Variants in LYPLAL1 observed in about 807,000 individuals in gnomAD.
LYPLAL1 encodes lysophospholipase-like protein 1.
A neutral mutation model predicts 19.7 loss-of-function variants in LYPLAL1; 23 were observed. That is an observed-to-expected ratio of 1.17 (90% CI 0.84 to 1.65). The LOEUF (loss-of-function observed/expected upper bound fraction) is 1.65, where lower values mean the gene tolerates loss of function less well. Ranked by LOEUF, LYPLAL1 falls within the 40% of genes most tolerant of loss-of-function variation. The probability of loss-of-function intolerance (pLI) is 0.00; values close to 1 mark genes in which losing one functional copy is unlikely to be tolerated. For synonymous variants in LYPLAL1, 119 were observed against 96.3 expected, an observed-to-expected ratio of 1.24 and a Z score of -1.38; for missense variants, 355 against 279.4, an observed-to-expected ratio of 1.27 and a Z score of -1.93.
the LYPLAL1 span, among the ~76,000 whole-genome samples, chr1:219,382,563 C>G: frequency 2.0e-5 from 3 of 152,040 alleles, no homozygotes; most frequent in Non-Finnish European, 4.4e-5. Flanking sequence ...AGGGTTTCAC[C>G]GTGTTAGCCA....
the LYPLAL1 span, among the ~76,000 whole-genome samples, chr1:219,390,490 A>C: frequency 6.6e-6 from 1 of 152,196 alleles, no homozygotes; most frequent in Non-Finnish European, 1.5e-5. Context: ...GCAGTTCCAT[A>C]AGATTAGCTA....
At chr1:219,210,376 C>T in intron 3 of LYPLAL1, 156 bp from the exon 4 acceptor site, 1 of 483,066 alleles carries the variant, frequency 2.1e-6, no homozygotes, top group Non-Finnish European at 3.6e-6. Context: ...TATGTTATCG[C>T]AGGCCTTTGT....
chr1:219,432,327 G>A, the LYPLAL1 span, among the ~76,000 whole-genome samples: 1 of 152,094 alleles, frequency 6.6e-6, no homozygotes, highest in Admixed American at 6.5e-5. Context: ...ACTTTTCACT[G>A]AGTTCAACAT....
chr1:219,356,630 G>A, the LYPLAL1 span, among the ~76,000 whole-genome samples: 1 of 152,082 alleles, frequency 6.6e-6, no homozygotes, highest in Admixed American at 6.6e-5. Context: ...TGCTTTGGGG[G>A]AAGTATATAT....
intron 1 of LYPLAL1, chr1:219,175,100 G>A: frequency 1.0e-6 from 1 of 985,342 alleles, no homozygotes; most frequent in Non-Finnish European, 1.2e-6. Context: ...ATTGTGGGAG[G>A]TATTCTCTTT....
At chr1:219,266,318 AAC>A in the LYPLAL1 span, among the ~76,000 whole-genome samples, 7 of 152,148 alleles carry the variant, frequency 4.6e-5, no homozygotes. Flanking sequence ...CAAAGACACA[AAC>A]ACACACATTG....
At chr1:219,241,134 C>CTCTCTCTCTCTATATATATATATATA in the LYPLAL1 span, among the ~76,000 whole-genome samples, 12 of 44,348 alleles carry the variant, frequency 2.7e-4, no homozygotes, top group Non-Finnish European at 4.3e-4. Flanking sequence ...CTCTCTCTCT[C>CTCTCTCTCTCTATATATATATATATA]TATATATATA....
At chr1:219,392,357 C>A in the LYPLAL1 span, among the ~76,000 whole-genome samples, 5 of 152,172 alleles carry the variant, frequency 3.3e-5, no homozygotes, top group African/African-American at 1.2e-4. Context: ...TAGGCAAAAT[C>A]CAGCCTTCCA....
At chr1:219,204,898 A>T (rs561359061) in intron 3 of LYPLAL1, among the ~76,000 whole-genome samples, 2 of 152,230 alleles carry the variant, frequency 1.3e-5, no homozygotes, top group African/African-American at 4.8e-5. Flanking sequence ...CTGACAAATG[A>T]TATGAATAGA....
At chr1:219,408,130 C>T in the LYPLAL1 span, among the ~76,000 whole-genome samples, 1 of 152,224 alleles carries the variant, frequency 6.6e-6, no homozygotes, top group African/African-American at 2.4e-5. Context: ...ACTCCTTAAG[C>T]AGATGGAGTC....
At chr1:219,221,929 A>T in the LYPLAL1 span, among the ~76,000 whole-genome samples, 3 of 152,186 alleles carry the variant, frequency 2.0e-5, no homozygotes, top group African/African-American at 4.8e-5. Flanking sequence ...CACTCACGTT[A>T]TGGTGACTTC....
the LYPLAL1 span, among the ~76,000 whole-genome samples, chr1:219,362,946 G>T: frequency 2.7e-5 from 4 of 150,460 alleles, no homozygotes; most frequent in Non-Finnish European, 5.9e-5. Context: ...ATAGATGGAT[G>T]AATGCAAAAA....
Position 219,210,519 on chromosome 1 carries a change from T to C in LYPLAL1, c.362-13T>C. 1 of 1,472,418 alleles carries C rather than the reference T, an allele frequency of 6.8e-7. No individual in the cohort carries two copies. The highest frequency in any genetic ancestry group is 9.2e-7 in the Non-Finnish European group (1 of 1,081,328). 91.2% of individuals were successfully genotyped at this position (1,472,418 alleles called of 1,614,324 possible). On this transcript the variant is annotated splice_polypyrimidine_tract_variant and intron_variant, in intron 3 of 4. Transcript: ENST00000366928. ...TTTATGTATTCTACTTTTAAGTATG[T>C]TTTTGTTTTTAGGAGGATTCTCTAT...
At chr1:219,345,563 A>T in the LYPLAL1 span, among the ~76,000 whole-genome samples, 1 of 152,304 alleles carries the variant, frequency 6.6e-6, no homozygotes, top group Non-Finnish European at 1.5e-5. Flanking sequence ...CTGGAAATAC[A>T]TTTCTAAGGC....
At chr1:219,351,809 T>C in the LYPLAL1 span, among the ~76,000 whole-genome samples, 1 of 152,202 alleles carries the variant, frequency 6.6e-6, no homozygotes, top group Non-Finnish European at 1.5e-5. Flanking sequence ...CCATAGACAC[T>C]TCACCTAGGA....
intron 2 of LYPLAL1, among the ~76,000 whole-genome samples, chr1:219,184,016 G>A (rs1270818156): frequency 6.6e-6 from 1 of 151,876 alleles, no homozygotes; most frequent in Non-Finnish European, 1.5e-5. Flanking sequence ...TTGAAACCAA[G>A]TGGTGTAAGT....
At chr1:219,311,444 A>C in the LYPLAL1 span, among the ~76,000 whole-genome samples, 2 of 152,118 alleles carry the variant, frequency 1.3e-5, no homozygotes, top group Non-Finnish European at 2.9e-5. Context: ...TGGTAGGAAC[A>C]ATATCAGCAT....
chr1:219,211,673 T>C lies in LYPLAL1; in HGVS notation c.659T>C (p.Ile220Thr), dbSNP rs143024968. Residue 220 changes from isoleucine to threonine, a missense_variant, in exon 5 of 5, where the codon ATA (isoleucine) becomes ACA (threonine). Coordinates refer to ENST00000366928, the MANE Select transcript of LYPLAL1 (RefSeq NM_138794.5). Reference sequence around the variant, plus strand: ...GAGCTAAGCAAAACTGAGTTAGACATATTGAAGTTATGGATTCTTACAAAG... The same window carrying C: ...GAGCTAAGCAAAACTGAGTTAGACACATTGAAGTTATGGATTCTTACAAAG... The part of the protein sequence containing the change: ...YHELSKTELD[I>T]LKLWILTKLP... 2.5e-6 allele frequency: 4 copies of C among 1,612,818 alleles called. No individual in the cohort carries two copies. Among genetic ancestry groups the C allele is most frequent in the Non-Finnish European group, 3.4e-6 (4 of 1,179,366 alleles).
the LYPLAL1 span, among the ~76,000 whole-genome samples, chr1:219,395,365 C>G: frequency 6.6e-6 from 1 of 152,126 alleles, no homozygotes; most frequent in African/African-American, 2.4e-5. Context: ...TTGCATTTCT[C>G]TAATGATCAG....
Sources: allele counts gnomAD v4.1 joint callset (sites outside exome capture counted in the v4.1 genomes callset), GRCh38; gene constraint gnomAD v4.1.1; transcripts MANE v1.5; gene names NCBI Gene and HGNC (gene_info 2026-07-23, HGNC 2026-07-21).